Variants in TCF12 observed in about 807,000 individuals in gnomAD.
The protein encoded by TCF12 is transcription factor 12.
A neutral mutation model predicts 86.0 loss-of-function variants in TCF12; 45 were observed. The ratio of observed to expected loss-of-function variants is 0.52; its 90% CI spans 0.41 to 0.67. TCF12 has a LOEUF of 0.67. Ranked by LOEUF, TCF12 falls within the 30% of genes least tolerant of loss-of-function variation. The pLI, the probability that TCF12 is intolerant of heterozygous loss-of-function variation, is 0.00. For missense variants in TCF12, 881 were observed against 859.9 expected (o/e 1.02, Z -0.31); for synonymous variants, 330 against 299.6 (o/e 1.10, Z -1.05).
chr15:57,214,723 A>G (rs1345779492), intron 8 of TCF12, among the ~76,000 whole-genome samples: 1 of 152,218 alleles, frequency 6.6e-6, no homozygotes, highest in Non-Finnish European at 1.5e-5. Context: ...ACTCAGACTA[A>G]TCTTTAATAT....
At chr15:56,990,958 C>G (rs1224485067) in intron 3 of TCF12, among the ~76,000 whole-genome samples, 3 of 151,900 alleles carry the variant, frequency 2.0e-5, no homozygotes, top group Non-Finnish European at 4.4e-5. Flanking sequence ...CTGCACTTGG[C>G]TAATCCTTAA....
chr15:57,229,094 T>G (rs1423292866), intron 8 of TCF12, among the ~76,000 whole-genome samples: 1 of 152,020 alleles, frequency 6.6e-6, no homozygotes, highest in Non-Finnish European at 1.5e-5. Context: ...ATTCTGTTTT[T>G]TTGTTGTTCA....
intron 3 of TCF12, among the ~76,000 whole-genome samples, chr15:57,059,922 A>G (rs201435222): frequency 6.6e-6 from 1 of 152,036 alleles, no homozygotes; most frequent in African/African-American, 2.4e-5. Context: ...AGGCTGTGGG[A>G]TAGTTTTTGA....
At chr15:56,957,605 T>C (rs1595852254) in intron 3 of TCF12, among the ~76,000 whole-genome samples, 2 of 152,242 alleles carry the variant, frequency 1.3e-5, no homozygotes, top group South Asian at 2.1e-4. Context: ...TTTGAACATA[T>C]AGAGCACGTA....
At chr15:56,934,336 G>C (rs1004181732) in intron 3 of TCF12, among the ~76,000 whole-genome samples, 6 of 152,154 alleles carry the variant, frequency 3.9e-5, no homozygotes, top group Non-Finnish European at 7.3e-5. Context: ...AAGAGTTAAC[G>C]TTTTAAAGAG....
chr15:57,229,712 A>G (rs555918035), intron 8 of TCF12, among the ~76,000 whole-genome samples: 3 of 151,918 alleles, frequency 2.0e-5, no homozygotes, highest in Admixed American at 1.3e-4. Context: ...ACTGTTAGCT[A>G]TAACTTATTG....
intron 5 of TCF12, among the ~76,000 whole-genome samples, chr15:57,134,693 A>G (rs1323332100): frequency 6.6e-6 from 1 of 152,226 alleles, no homozygotes; most frequent in Non-Finnish European, 1.5e-5. Context: ...GCTTATATGA[A>G]TCAGATACAA....
chr15:56,948,629 T>C (rs1019368091), intron 3 of TCF12, among the ~76,000 whole-genome samples: 1 of 152,090 alleles, frequency 6.6e-6, no homozygotes, highest in Non-Finnish European at 1.5e-5. Context: ...AAACCAGTGA[T>C]CTCAATGGCG....
At chr15:56,939,045 C>T (rs1433960987) in intron 3 of TCF12, among the ~76,000 whole-genome samples, 1 of 152,162 alleles carries the variant, frequency 6.6e-6, no homozygotes, top group Non-Finnish European at 1.5e-5. Flanking sequence ...CTGGTCTCTC[C>T]TCACCTGACC....
intron 3 of TCF12, among the ~76,000 whole-genome samples, chr15:56,979,286 T>TAAA (rs1567197312): frequency 5.9e-5 from 9 of 152,208 alleles, no homozygotes; most frequent in Admixed American, 3.3e-4. Flanking sequence ...CATAAAATCA[T>TAAA]GTTTTTTTGG....
chr15:57,054,300 CA>C (rs1250557261), intron 3 of TCF12, among the ~76,000 whole-genome samples: 4 of 152,082 alleles, frequency 2.6e-5, no homozygotes, highest in Admixed American at 6.5e-5. Flanking sequence ...AGGTAATCAG[CA>C]AAAATTCATT....
At chr15:57,116,810 T>C (rs532658515) in intron 5 of TCF12, among the ~76,000 whole-genome samples, 1 of 152,330 alleles carries the variant, frequency 6.6e-6, no homozygotes, top group African/African-American at 2.4e-5. Flanking sequence ...TTTTTCTCTA[T>C]ATAATTTAAT....
At chr15:56,940,017 T>G (rs1408095995) in intron 3 of TCF12, among the ~76,000 whole-genome samples, 2 of 149,600 alleles carry the variant, frequency 1.3e-5, no homozygotes, top group Non-Finnish European at 1.5e-5. Context: ...ACTTTTGGTC[T>G]TTAGTAATGT....
Position 57,157,200 on chromosome 15 carries a change from G to A in TCF12, c.326-9202G>A, listed in dbSNP as rs748590016. 8.6e-5 allele frequency among the ~76,000 whole-genome samples: 13 copies of A among 151,580 alleles called. No homozygotes were observed. In the South Asian group the frequency reaches 1.0e-3, roughly 12 times the overall value. On this transcript the variant is annotated intron_variant, in intron 5 of 20. Transcript: ENST00000333725. ...GTAAACCATTAAATTATTTTAAATC[G>A]TTTTTTAAGAATGAGATAAACATTA... is the stretch of plus-strand genomic sequence containing the variant.
chr15:57,070,156 T>A (rs1490275046), intron 4 of TCF12, among the ~76,000 whole-genome samples: 1 of 152,216 alleles, frequency 6.6e-6, no homozygotes, highest in African/African-American at 2.4e-5. Context: ...TTGATTTAGC[T>A]GCTGTATATG....
chr15:57,221,009 A>C (rs2058564897), intron 8 of TCF12, among the ~76,000 whole-genome samples: 1 of 152,158 alleles, frequency 6.6e-6, no homozygotes, highest in East Asian at 1.9e-4. Context: ...CCTTTTCATC[A>C]CTTGGAAATG....
At chr15:57,217,848 C>G (rs2058394735) in intron 8 of TCF12, among the ~76,000 whole-genome samples, 3 of 151,976 alleles carry the variant, frequency 2.0e-5, no homozygotes, top group Admixed American at 2.0e-4. Flanking sequence ...TGAATCAAAG[C>G]TTTTTACACA....
intron 3 of TCF12, among the ~76,000 whole-genome samples, chr15:57,051,759 T>C (rs1180411947): frequency 1.3e-5 from 2 of 152,240 alleles, no homozygotes; most frequent in African/African-American, 4.8e-5. Flanking sequence ...TTTTGTTCTT[T>C]GCTTTCTAGT....
intron 12 of TCF12, among the ~76,000 whole-genome samples, chr15:57,239,376 T>G (rs1386823000): frequency 6.6e-6 from 1 of 151,344 alleles, no homozygotes; most frequent in Non-Finnish European, 1.5e-5. Flanking sequence ...GAAGAAAAAT[T>G]AGCCGGGTAT....
Sources: allele counts gnomAD v4.1 joint callset (sites outside exome capture counted in the v4.1 genomes callset), GRCh38; gene constraint gnomAD v4.1.1; transcripts MANE v1.5; gene names NCBI Gene and HGNC (gene_info 2026-07-23, HGNC 2026-07-21).